SQSTM1: variants seen among roughly 807,000 people sequenced by gnomAD.
SQSTM1 encodes sequestosome-1.
Under a neutral mutation model 45.1 loss-of-function variants are expected in SQSTM1, and 36 were observed. The ratio of observed to expected loss-of-function variants is 0.80; its 90% CI spans 0.61 to 1.05. The LOEUF (loss-of-function observed/expected upper bound fraction) is 1.05, where lower values mean the gene tolerates loss of function less well. Ranked by LOEUF, SQSTM1 falls within the 50% of genes least tolerant of loss-of-function variation. SQSTM1 has a pLI of 0.00. For missense variants in SQSTM1, 617 were observed against 607.1 expected, an observed-to-expected ratio of 1.02 and a Z score of -0.17; for synonymous variants, 290 against 244.3, an observed-to-expected ratio of 1.19 and a Z score of -1.74.
upstream of SQSTM1, chr5:179,820,901 C>A (rs762386326): frequency 1.6e-5 from 24 of 1,470,390 alleles, 1 homozygote; most frequent in South Asian, 3.1e-4. Context: ...CGGCTGCGAC[C>A]GGGACGGCCC....
upstream of SQSTM1, among the ~76,000 whole-genome samples, chr5:179,819,747 A>T (rs1757703164): frequency 6.6e-6 from 1 of 152,190 alleles, no homozygotes; most frequent in South Asian, 2.1e-4. Context: ...CCCTCTCCAC[A>T]GGGCTGCTCT....
chr5:179,821,762 G>A, intron 1 of SQSTM1: 1 of 326,304 alleles, frequency 3.1e-6, no homozygotes, highest in East Asian at 1.2e-4. Flanking sequence ...CTTCAGAAGT[G>A]TTGGTGTTGG....
At position 179,824,029 on chromosome 5, in the gene SQSTM1, G is replaced by A. The variant is rs776866832; in HGVS notation, c.473G>A (p.Gly158Asp). 2 of 1,613,982 alleles carry A rather than the reference G, an allele frequency of 1.2e-6. No individual in the cohort carries two copies. Among genetic ancestry groups the A allele is most frequent in the Non-Finnish European group, 1.7e-6 (2 of 1,180,032 alleles). Residue 158 changes from glycine (G) to aspartate (D), a missense_variant, in exon 3 of 8, where the codon GGC becomes GAC. Coordinates refer to ENST00000389805, the MANE Select transcript of SQSTM1 (RefSeq NM_003900.5). ...TTGTGTAGCGTCTGCGAGGGAAAGG[G>A]CTTGCACCGGGGGCACACCAAGCTC... The part of the protein sequence containing the change: ...YDLCSVCEGK[G>D]LHRGHTKLAF...
Position 179,836,669 on chromosome 5 carries a change from T to A in SQSTM1, c.*76T>A, listed in dbSNP as rs1041583907. The A allele has an allele frequency of 3.7e-6, 6 of 1,604,410 alleles. No homozygotes were observed. The highest frequency in any genetic ancestry group is 5.1e-6 in the Non-Finnish European group (6 of 1,171,582). ...TTAAGCTTGCGTAGAATTGCAGGTC[T>A]CTGTACGGGCCAGTTTCTCTGCCTT... On this transcript the variant is annotated 3_prime_UTR_variant, in exon 8 of 8. Coordinates refer to ENST00000389805, the MANE Select transcript of SQSTM1 (RefSeq NM_003900.5).
chr5:179,809,154 C>A (rs1326065098), intron 1 of SQSTM1, among the ~76,000 whole-genome samples: 1 of 128,228 alleles, frequency 7.8e-6, no homozygotes, highest in Non-Finnish European at 1.6e-5. Flanking sequence ...ACCACCCCGG[C>A]CTTTTTTTTT....
At chr5:179,814,016 A>G (rs1461617389), upstream of SQSTM1, among the ~76,000 whole-genome samples, 1 of 152,188 alleles carries the variant, frequency 6.6e-6, no homozygotes, top group African/African-American at 2.4e-5. Context: ...AAAAATGTCT[A>G]TCGGGGTGGT....
intron 5 of SQSTM1, among the ~76,000 whole-genome samples, chr5:179,829,574 G>A (rs1253182957): frequency 6.6e-6 from 1 of 151,990 alleles, no homozygotes; most frequent in Non-Finnish European, 1.5e-5. Flanking sequence ...ATAACAAAGG[G>A]AACAGAATAA....
intron 1 of SQSTM1, among the ~76,000 whole-genome samples, chr5:179,811,315 G>C (rs768183048): frequency 6.2e-5 from 9 of 146,082 alleles, no homozygotes; most frequent in South Asian, 2.3e-4. Context: ...AGCTCTGCAG[G>C]GGGGAGGAGC....
chr5:179,829,989 G>A (rs1758145785), intron 5 of SQSTM1, among the ~76,000 whole-genome samples: 1 of 152,128 alleles, frequency 6.6e-6, no homozygotes, highest in African/African-American at 2.4e-5. Context: ...GTGTACTTAT[G>A]GCCCCAGCTA....
At chr5:179,820,838 C>T (rs1757744246), upstream of SQSTM1, 1 of 1,200,516 alleles carries the variant, frequency 8.3e-7, no homozygotes, top group Non-Finnish European at 1.1e-6. Context: ...CGAGAGACTC[C>T]GCCCCTCTCG....
Position 179,836,784 on chromosome 5 carries a change from G to C in SQSTM1, c.*191G>C. 5 of 846,494 alleles carry C rather than the reference G, an allele frequency of 5.9e-6. No homozygotes were observed. In the South Asian group the frequency reaches 7.5e-5, roughly 13 times the overall value. The allele number at this position is 846,494 out of a possible 1,614,324, so 52.4% of individuals were successfully genotyped here. A position where few individuals can be genotyped will look rare whatever the true frequency, so the allele number is the denominator to read the frequency against. On this transcript the variant is annotated 3_prime_UTR_variant, in exon 8 of 8. Coordinates refer to ENST00000389805, the MANE Select transcript of SQSTM1 (RefSeq NM_003900.5). ...GAGGGTCCCTGTGTGTGTGTGTGCT[G>C]ATGTTTCCTGGGTGCCCTGGCTCCT...
intron 7 of SQSTM1, chr5:179,835,532 G>A (rs1023779344): frequency 6.3e-5 from 10 of 157,964 alleles, no homozygotes; most frequent in Non-Finnish European, 1.3e-4. Context: ...AAAAAAACAC[G>A]AAAACCAGTC....
At position 179,837,843 on chromosome 5, in the gene SQSTM1, G is replaced by A. The variant is rs763168668; in HGVS notation, c.*1250G>A. 1.2e-6 allele frequency: 2 copies of A among 1,611,540 alleles called. No homozygotes were observed. The highest frequency in any genetic ancestry group is 2.2e-5 in the East Asian group (1 of 44,884). On this transcript the variant is annotated 3_prime_UTR_variant, in exon 8 of 8. Coordinates refer to ENST00000389805, the MANE Select transcript of SQSTM1 (RefSeq NM_003900.5). Reference sequence around the variant, plus strand: ...TCTGCAGAGTTCTCCTGGAGGCAGGGGCTGCTGCCTTGTTTCACCTTCCAT... The same window carrying A: ...TCTGCAGAGTTCTCCTGGAGGCAGGAGCTGCTGCCTTGTTTCACCTTCCAT...
At chr5:179,824,897 G>C (rs539926632) in intron 4 of SQSTM1, among the ~76,000 whole-genome samples, 1 of 152,080 alleles carries the variant, frequency 6.6e-6, no homozygotes, top group Non-Finnish European at 1.5e-5. Flanking sequence ...CTGAGCCTCT[G>C]TGGGGTTGCT....
intron 7 of SQSTM1, chr5:179,835,292 G>A (rs1003649776): frequency 5.7e-6 from 1 of 176,696 alleles, no homozygotes; most frequent in Non-Finnish European, 1.2e-5. Flanking sequence ...GTGGCGGCCG[G>A]GCAGAGGCTG....
In SQSTM1 at chr5:179,824,374, C is replaced by T. The variant is rs1396721117; in HGVS notation, c.673+51C>T. ...CTGATTGGTGACAGTAGTCAGGCAG[C>T]CTGTGTGCAGGGCCCTTGTGCAAAG... is the stretch of plus-strand genomic sequence containing the variant. On this transcript the variant is annotated intron_variant, in intron 4 of 7. Coordinates refer to ENST00000389805, the MANE Select transcript of SQSTM1 (RefSeq NM_003900.5). 9 of 1,612,746 alleles carry T rather than the reference C, an allele frequency of 5.6e-6. No homozygotes were observed. In the Admixed American group the frequency reaches 1.2e-4, roughly 21 times the overall value.
intron 5 of SQSTM1, among the ~76,000 whole-genome samples, chr5:179,831,589 T>A (rs768995176): frequency 9.3e-4 from 142 of 151,926 alleles, no homozygotes; most frequent in Non-Finnish European, 5.1e-4. Flanking sequence ...TTGAACCTGG[T>A]GGGCAGAGGC....
upstream of SQSTM1, among the ~76,000 whole-genome samples, chr5:179,819,318 C>T (rs891498375): frequency 2.8e-4 from 30 of 108,498 alleles, no homozygotes; most frequent in African/African-American, 1.2e-3. Flanking sequence ...CTTCCTTCTC[C>T]CCTCCCCGCC....
At position 179,809,325 on chromosome 5, in the gene SQSTM1, ATTTTTTTTT is replaced by A. The variant is rs71001049; in HGVS notation, c.-156-2228_-156-2220del. 7.1e-4 allele frequency among the ~76,000 whole-genome samples: 29 copies of A among 41,074 alleles called. 2 individuals carry two copies. The South Asian group carries it at 0.014, about 19-fold the overall frequency. 26.9% of individuals were successfully genotyped at this position (41,074 alleles called of 152,430 possible). ...AGGCGCCCGCCACCACGCCTGGCTA[ATTTTTTTTT>A]TTTTTTTTTTTTTTTTTTTTGAGAC... On this transcript the variant is annotated intron_variant, in intron 1 of 5. Coordinates refer to the SQSTM1 transcript ENST00000514093.
Sources: allele counts gnomAD v4.1 joint callset (sites outside exome capture counted in the v4.1 genomes callset), GRCh38; gene constraint gnomAD v4.1.1; transcripts MANE v1.5; gene names NCBI Gene and HGNC (gene_info 2026-07-23, HGNC 2026-07-21).